Variants in CACNA1B observed in about 807,000 individuals in gnomAD.
CACNA1B encodes the protein calcium voltage-gated channel subunit alpha1 B, also known as voltage-dependent N-type calcium channel subunit alpha-1B.
In CACNA1B, 70 loss-of-function variants were observed where a neutral mutation model predicts 247.2. The observed-to-expected ratio is 0.28, with a 90% confidence interval of 0.23 to 0.35. CACNA1B has a LOEUF of 0.35. CACNA1B is among the 10% of genes least tolerant of loss of function. The pLI is 1.00. For missense variants in CACNA1B, 2,367 were observed against 3,197.4 expected, an observed-to-expected ratio of 0.74 and a Z score of 6.26; for synonymous variants, 1,231 against 1,294.4, an observed-to-expected ratio of 0.95 and a Z score of 1.05.
chr9:137,935,866 A>C (rs1328634314), intron 6 of CACNA1B, among the ~76,000 whole-genome samples: 2 of 151,136 alleles, frequency 1.3e-5, no homozygotes, highest in Non-Finnish European at 3.0e-5. Context: ...CCCAGGCCGG[A>C]GTGCAGTGGC....
rs1246490730 is a variant in CACNA1B, at chr9:137,952,086, G to A, written c.967-188G>A. Among the ~76,000 whole-genome samples, 6 of 152,148 alleles carry A rather than the reference G, an allele frequency of 3.9e-5. No individual in the cohort carries two copies. The highest frequency in any genetic ancestry group is 1.3e-4 in the Admixed American group (2 of 15,282). ...GAGAGAACTCTGCCAGCAAGGGCAC[G>A]TCTGCCTGTGGGTGCTGCCTGGACT... is the stretch of plus-strand genomic sequence containing the variant. On this transcript the variant is annotated intron_variant, in intron 6 of 46. Coordinates refer to ENST00000371372, the MANE Select transcript of CACNA1B (RefSeq NM_000718.4). This position sits in a 1 kb window ranked among gnomAD's most constrained non-coding sequence, Gnocchi z 4.8.
At chr9:138,043,511 G>T (rs1589089456) in intron 20 of CACNA1B, among the ~76,000 whole-genome samples, 1 of 152,328 alleles carries the variant, frequency 6.6e-6, no homozygotes, top group African/African-American at 2.4e-5. Flanking sequence ...CACAGCCACG[G>T]GTGCTGGGCT....
intron 19 of CACNA1B, among the ~76,000 whole-genome samples, chr9:138,024,555 G>C (rs1396946219): frequency 6.6e-6 from 1 of 152,220 alleles, no homozygotes; most frequent in African/African-American, 2.4e-5. Flanking sequence ...CAGAGTAGCA[G>C]AGCAGGTGGT....
chr9:138,000,472 T>C (rs1448428769), intron 15 of CACNA1B, among the ~76,000 whole-genome samples: 4 of 152,136 alleles, frequency 2.6e-5, no homozygotes, highest in Non-Finnish European at 5.9e-5. Flanking sequence ...ACCTGGACAT[T>C]TCATAATTAT....
intron 31 of CACNA1B, among the ~76,000 whole-genome samples, chr9:138,066,995 A>G (rs1396855993): frequency 6.6e-6 from 1 of 152,210 alleles, no homozygotes; most frequent in Non-Finnish European, 1.5e-5. Flanking sequence ...AATCAAAGAA[A>G]AATAAGAAGG....
intron 2 of CACNA1B, 49 bp downstream of exon 2, chr9:137,879,208 TC>T: frequency 8.4e-7 from 1 of 1,197,248 alleles, no homozygotes; most frequent in Non-Finnish European, 1.2e-6. Context: ...AGGCCGCGAC[TC>T]CACTTTCCTT....
intron 36 of CACNA1B, among the ~76,000 whole-genome samples, chr9:138,088,554 G>A (rs1002799451): frequency 1.1e-4 from 16 of 151,852 alleles, no homozygotes; most frequent in African/African-American, 1.7e-4. Context: ...AAAACCTAGC[G>A]GAAATGGATA....
chr9:138,065,245 G>A (rs982383193), intron 31 of CACNA1B, among the ~76,000 whole-genome samples: 2 of 152,062 alleles, frequency 1.3e-5, no homozygotes. Context: ...ACACATACCC[G>A]TTATATCACA....
At chr9:138,065,997 G>C (rs905861030) in intron 31 of CACNA1B, among the ~76,000 whole-genome samples, 2 of 152,190 alleles carry the variant, frequency 1.3e-5, no homozygotes, top group African/African-American at 4.8e-5. Context: ...CTTAGAGTCG[G>C]CTTCCAAGGA....
At chr9:137,993,205 T>A (rs1958453441) in intron 15 of CACNA1B, among the ~76,000 whole-genome samples, 1 of 151,842 alleles carries the variant, frequency 6.6e-6, no homozygotes, top group Non-Finnish European at 1.5e-5. Context: ...CTAAATGAAA[T>A]TGAAACAAAA....
rs1305802527 is a variant in CACNA1B, at chr9:137,901,134, GTC to G, written c.531-12042_531-12041del. ...CTGTGTGTCTGTGTCTGTGCTGTGT[GTC>G]TCTGTGTCCCTGTGACTGTGTTTGT... On this transcript the variant is annotated intron_variant, in intron 3 of 46. Transcript: ENST00000371372. Among the ~76,000 whole-genome samples the G allele has an allele frequency of 7.4e-5, 11 of 149,648 alleles. No individual in the cohort carries two copies. In the East Asian group the frequency reaches 2.2e-3, roughly 30 times the overall value.
Position 137,952,202 on chromosome 9 carries a change from G to T in CACNA1B, c.967-72G>T, listed in dbSNP as rs1957885024. The T allele has an allele frequency of 2.5e-6, 3 of 1,211,782 alleles. No individual in the cohort carries two copies. The highest frequency in any genetic ancestry group is 3.0e-5 in the African/African-American group (2 of 67,094). 75.1% of individuals were successfully genotyped at this position (1,211,782 alleles called of 1,614,324 possible). On this transcript the variant is annotated intron_variant, in intron 6 of 46. Coordinates refer to ENST00000371372, the MANE Select transcript of CACNA1B (RefSeq NM_000718.4). This position sits in a 1 kb window ranked among gnomAD's most constrained non-coding sequence, Gnocchi z 4.8. ...CTTCTGAGAAGGAGGCCTGTTGGGG[G>T]CTGGGGGTGCTCCTGTGGCCGGGAC...
At position 138,050,415 on chromosome 9, in the gene CACNA1B, C is replaced by G. The variant is rs1455218051; in HGVS notation, c.3710+1100C>G. On this transcript the variant is annotated intron_variant, in intron 24 of 46. Transcript: ENST00000371372. This position sits in a 1 kb window ranked among gnomAD's most constrained non-coding sequence, Gnocchi z 5.2. Reference sequence around the variant, plus strand: ...GGAACTGCCACCTGTGGCCACAGCCCGAGGACCGGGGACATCGCGAGGCGC... The same window carrying G: ...GGAACTGCCACCTGTGGCCACAGCCGGAGGACCGGGGACATCGCGAGGCGC... Among the ~76,000 whole-genome samples, 2 of 152,190 alleles carry G rather than the reference C, an allele frequency of 1.3e-5. No homozygotes were observed. The highest frequency in any genetic ancestry group is 4.8e-5 in the African/African-American group (2 of 41,452).
intron 18 of CACNA1B, among the ~76,000 whole-genome samples, chr9:138,013,612 A>G (rs1958754024): frequency 6.6e-6 from 1 of 152,230 alleles, no homozygotes. Context: ...TTATGAGCCA[A>G]GAGATTCTAG....
At chr9:137,984,459 C>T (rs1035259269) in intron 13 of CACNA1B, among the ~76,000 whole-genome samples, 4 of 152,256 alleles carry the variant, frequency 2.6e-5, no homozygotes, top group Admixed American at 2.0e-4. Flanking sequence ...TCCGTGCTGC[C>T]GGCACACCCT....
chr9:137,979,796 T>C (rs1027086016), intron 12 of CACNA1B, among the ~76,000 whole-genome samples: 32 of 152,212 alleles, frequency 2.1e-4, no homozygotes, highest in African/African-American at 7.7e-4. Flanking sequence ...GTGGCTGCGG[T>C]ACCTCTTAAT....
chr9:138,035,876 T>G (rs986761214), intron 20 of CACNA1B, among the ~76,000 whole-genome samples: 9 of 152,204 alleles, frequency 5.9e-5, no homozygotes, highest in African/African-American at 2.2e-4. Context: ...GAGAGTTATT[T>G]TAGTTATATA....
At chr9:138,061,101 A>G (rs1455956670) in intron 31 of CACNA1B, among the ~76,000 whole-genome samples, 1 of 152,218 alleles carries the variant, frequency 6.6e-6, no homozygotes, top group Non-Finnish European at 1.5e-5. Flanking sequence ...GAGCGTGTTC[A>G]TAGGAGCATG....
intron 36 of CACNA1B, among the ~76,000 whole-genome samples, chr9:138,084,633 A>G (rs1007564655): frequency 2.0e-5 from 3 of 151,284 alleles, no homozygotes; most frequent in African/African-American, 7.3e-5. Context: ...ATGTACAGAC[A>G]TTAAGGGACA....
Sources: allele counts gnomAD v4.1 joint callset (sites outside exome capture counted in the v4.1 genomes callset), GRCh38; gene constraint gnomAD v4.1.1; non-coding constraint Gnocchi (gnomAD v3.1); transcripts MANE v1.5; gene names NCBI Gene and HGNC (gene_info 2026-07-23, HGNC 2026-07-21).